TNKS: variants seen among roughly 807,000 people sequenced by gnomAD.
TNKS encodes the protein poly [ADP-ribose] polymerase tankyrase-1.
TNKS carries 72 observed loss-of-function variants against 135.8 expected under a neutral mutation model. That is an observed-to-expected ratio of 0.53 (90% CI 0.44 to 0.64). The LOEUF is 0.64. Among genes scored for constraint, TNKS ranks in the 30% least tolerant of loss-of-function variants. The pLI, the probability that TNKS is intolerant of heterozygous loss-of-function variation, is 0.00. For synonymous variants in TNKS, 849 were observed against 649.3 expected (o/e 1.31, Z -4.68); for missense variants, 1,769 against 1,674.0 (o/e 1.06, Z -0.99).
rs571350218 is a variant in TNKS, at chr8:9,742,409, A to G, written c.2644-5615A>G. On this transcript the variant is annotated intron_variant, in intron 17 of 26. Transcript: ENST00000310430. Reference sequence around the variant, plus strand: ...AACCCACTTCCCTCAGCAATCTCGCATGACATACAGTGACTCTCAGTTGGT... The same window carrying G: ...AACCCACTTCCCTCAGCAATCTCGCGTGACATACAGTGACTCTCAGTTGGT... Among the ~76,000 whole-genome samples, 28 of 150,794 alleles carry G rather than the reference A, an allele frequency of 1.9e-4. 2 individuals carry two copies. The South Asian group carries it at 4.8e-3, about 26-fold the overall frequency.
chr8:9,657,579 G>A (rs1585287723), intron 3 of TNKS, among the ~76,000 whole-genome samples: 3 of 86,132 alleles, frequency 3.5e-5, no homozygotes, highest in Admixed American at 1.9e-4. Flanking sequence ...CCTCCCAGAC[G>A]GGGCGGCTGG....
chr8:9,618,278 A>C (rs2128766621), intron 3 of TNKS, among the ~76,000 whole-genome samples: 1 of 152,330 alleles, frequency 6.6e-6, no homozygotes, highest in African/African-American at 2.4e-5. Context: ...TATGTGACTA[A>C]TACCATCTTA....
chr8:9,764,479 T>G (rs911469681), intron 22 of TNKS, among the ~76,000 whole-genome samples: 3 of 152,172 alleles, frequency 2.0e-5, no homozygotes, highest in Non-Finnish European at 4.4e-5. Context: ...TTAATATGTT[T>G]CCCCATTGTG....
At chr8:9,653,354 T>C (rs891832377) in intron 3 of TNKS, among the ~76,000 whole-genome samples, 6 of 152,144 alleles carry the variant, frequency 3.9e-5, no homozygotes, top group African/African-American at 1.4e-4. Context: ...ATTGTCTTAT[T>C]CTGCCTTCTA....
At chr8:9,657,462 G>C (rs1160791097) in intron 3 of TNKS, among the ~76,000 whole-genome samples, 2 of 86,262 alleles carry the variant, frequency 2.3e-5, no homozygotes, top group African/African-American at 4.2e-5. Flanking sequence ...AGGGCGGCTG[G>C]CCGGGCGGGG....
At chr8:9,707,452 G>A (rs1334158295) in intron 8 of TNKS, among the ~76,000 whole-genome samples, 1 of 152,078 alleles carries the variant, frequency 6.6e-6, no homozygotes, top group Non-Finnish European at 1.5e-5. Flanking sequence ...CAGGTATCTA[G>A]CATTATTGAG....
intron 5 of TNKS, among the ~76,000 whole-genome samples, chr8:9,688,410 G>T (rs972007033): frequency 1.3e-5 from 2 of 152,162 alleles, no homozygotes; most frequent in South Asian, 2.1e-4. Context: ...ACTTTGAATT[G>T]ACATTATTAA....
intron 3 of TNKS, among the ~76,000 whole-genome samples, chr8:9,678,371 A>C (rs988639802): frequency 3.3e-5 from 5 of 151,078 alleles, no homozygotes; most frequent in Non-Finnish European, 7.4e-5. Context: ...CAGGAACTTA[A>C]ATAGATGGAG....
At chr8:9,559,044 G>T (rs1227561288) in intron 1 of TNKS, among the ~76,000 whole-genome samples, 1 of 152,178 alleles carries the variant, frequency 6.6e-6, no homozygotes, top group Non-Finnish European at 1.5e-5. Context: ...AAAAACTGCA[G>T]TTTATTTGTT....
At chr8:9,598,073 G>A (rs1413140891) in intron 2 of TNKS, among the ~76,000 whole-genome samples, 1 of 152,082 alleles carries the variant, frequency 6.6e-6, no homozygotes, top group East Asian at 1.9e-4. Flanking sequence ...TCAGTCTGTT[G>A]AATCAGTTGT....
intron 1 of TNKS, among the ~76,000 whole-genome samples, chr8:9,568,503 A>G (rs1007868109): frequency 2.6e-5 from 4 of 152,228 alleles, no homozygotes; most frequent in Non-Finnish European, 4.4e-5. Flanking sequence ...ATATAATATT[A>G]GAAATTTTAA....
At chr8:9,608,817 G>A (rs1464569911) in intron 2 of TNKS, among the ~76,000 whole-genome samples, 1 of 152,134 alleles carries the variant, frequency 6.6e-6, no homozygotes, top group Non-Finnish European at 1.5e-5. Context: ...GCAGAGAGTT[G>A]GGTGATTATG....
At chr8:9,734,823 C>T in intron 15 of TNKS, 42 bp from the exon 16 acceptor site, 1 of 1,549,000 alleles carries the variant, frequency 6.5e-7, no homozygotes, top group Non-Finnish European at 8.8e-7. Flanking sequence ...TACCTACTTA[C>T]TACAGAAAAT....
At chr8:9,645,062 C>G (rs903767552) in intron 3 of TNKS, among the ~76,000 whole-genome samples, 1 of 152,116 alleles carries the variant, frequency 6.6e-6, no homozygotes, top group African/African-American at 2.4e-5. Flanking sequence ...CAAAGTTAAA[C>G]CAGATGGGAC....
chr8:9,752,449 G>A, intron 19 of TNKS, 95 bp from the exon 20 acceptor site: 1 of 820,972 alleles, frequency 1.2e-6, no homozygotes, highest in Non-Finnish European at 2.0e-6. Context: ...TCATCTGACA[G>A]CCAAGGTTGT....
intron 3 of TNKS, among the ~76,000 whole-genome samples, chr8:9,638,019 A>T (rs543562154): frequency 4.9e-4 from 74 of 152,208 alleles, no homozygotes; most frequent in Admixed American, 7.2e-4. Flanking sequence ...CCCAGGCTGG[A>T]GTGTACCGGC....
chr8:9,773,697 A>T (rs1343964612), intron 26 of TNKS, among the ~76,000 whole-genome samples: 1 of 151,830 alleles, frequency 6.6e-6, no homozygotes, highest in African/African-American at 2.4e-5. Context: ...AATTTTAGAG[A>T]GTGATTAGTA....
chr8:9,767,429 C>G (rs1234990844), intron 25 of TNKS, among the ~76,000 whole-genome samples: 1 of 152,108 alleles, frequency 6.6e-6, no homozygotes, highest in East Asian at 1.9e-4. Context: ...TTTTAACAAG[C>G]CAGGTTAATA....
chr8:9,562,676 A>T (rs1797382510), intron 1 of TNKS, among the ~76,000 whole-genome samples: 1 of 152,118 alleles, frequency 6.6e-6, no homozygotes, highest in Non-Finnish European at 1.5e-5. Context: ...CAAACTCAGA[A>T]CTATAGGGTT....
Sources: allele counts gnomAD v4.1 joint callset (sites outside exome capture counted in the v4.1 genomes callset), GRCh38; gene constraint gnomAD v4.1.1; transcripts MANE v1.5; gene names NCBI Gene and HGNC (gene_info 2026-07-23, HGNC 2026-07-21).